The following KDM4C variants were observed in gnomAD, a reference collection of about 807,000 sequenced individuals.
The protein encoded by KDM4C is lysine-specific demethylase 4C.
A neutral mutation model predicts 129.3 loss-of-function variants in KDM4C; 81 were observed. That is an observed-to-expected ratio of 0.63 (90% CI 0.52 to 0.75). KDM4C has a LOEUF of 0.75. KDM4C is among the 30% of genes least tolerant of loss of function. KDM4C has a pLI of 0.00. For missense variants in KDM4C, 1,457 were observed against 1,304.0 expected, an observed-to-expected ratio of 1.12 and a Z score of -1.81; for synonymous variants, 573 against 456.1, an observed-to-expected ratio of 1.26 and a Z score of -3.26.
intron 17 of KDM4C, among the ~76,000 whole-genome samples, chr9:7,085,291 C>A (rs1052251065): frequency 6.6e-6 from 1 of 152,218 alleles, no homozygotes; most frequent in African/African-American, 2.4e-5. Flanking sequence ...GTTTCTTCAT[C>A]TCTAAAACAA....
intron 18 of KDM4C, among the ~76,000 whole-genome samples, chr9:7,111,461 C>A (rs7028473): frequency 0.014 from 2,068 of 152,090 alleles, 46 homozygotes; most frequent in African/African-American, 0.046. Context: ...CTATTATTAT[C>A]TTTTTATTTT....
chr9:7,067,223 G>T, intron 17 of KDM4C, among the ~76,000 whole-genome samples: 1 of 152,172 alleles, frequency 6.6e-6, no homozygotes, highest in African/African-American at 2.4e-5. Context: ...TTTTTCCTGT[G>T]TATGACAGTA....
intron 1 of KDM4C, among the ~76,000 whole-genome samples, chr9:6,722,903 A>T (rs1457775456): frequency 2.0e-5 from 3 of 152,060 alleles, no homozygotes; most frequent in Non-Finnish European, 4.4e-5. Context: ...GGATTGCGTG[A>T]GCCCAGGAGG....
At chr9:6,857,385 C>G (rs1310647115) in intron 5 of KDM4C, among the ~76,000 whole-genome samples, 1 of 152,162 alleles carries the variant, frequency 6.6e-6, no homozygotes, top group Non-Finnish European at 1.5e-5. Context: ...TACATAGCTG[C>G]TAGCTATATT....
chr9:7,095,750 A>G (rs562448266), intron 17 of KDM4C, among the ~76,000 whole-genome samples: 16 of 152,220 alleles, frequency 1.1e-4, no homozygotes, highest in Non-Finnish European at 1.3e-4. Context: ...AGATTTTTAT[A>G]GGGTGGAGAG....
At chr9:6,945,081 C>T (rs562415995) in intron 8 of KDM4C, among the ~76,000 whole-genome samples, 28 of 152,050 alleles carry the variant, frequency 1.8e-4, no homozygotes, top group African/African-American at 6.5e-4. Flanking sequence ...CTCTTTCTTG[C>T]TCTACACAGC....
chr9:7,143,084 G>A (rs1418335238), intron 19 of KDM4C, among the ~76,000 whole-genome samples: 1 of 152,010 alleles, frequency 6.6e-6, no homozygotes, highest in Non-Finnish European at 1.5e-5. Flanking sequence ...TCCCCTCCCA[G>A]CTTACTCTAT....
At chr9:6,866,922 T>G (rs939736962) in intron 5 of KDM4C, among the ~76,000 whole-genome samples, 5 of 143,032 alleles carry the variant, frequency 3.5e-5, no homozygotes, top group Admixed American at 7.1e-5. Flanking sequence ...TATATATATA[T>G]AGAAAAATGT....
At chr9:6,945,356 T>C (rs1049890455) in intron 8 of KDM4C, among the ~76,000 whole-genome samples, 1 of 152,204 alleles carries the variant, frequency 6.6e-6, no homozygotes, top group Admixed American at 6.5e-5. Flanking sequence ...GTTGTGAAAA[T>C]GTATATATAA....
intron 11 of KDM4C, 134 bp downstream of exon 11, chr9:6,986,800 A>G: frequency 1.6e-6 from 1 of 631,902 alleles, no homozygotes; most frequent in Non-Finnish European, 2.6e-6. Context: ...TCTTAATCAT[A>G]TTCATTCAAT....
intron 4 of KDM4C, among the ~76,000 whole-genome samples, chr9:6,821,531 G>A (rs562112241): frequency 5.3e-5 from 8 of 152,220 alleles, no homozygotes; most frequent in Admixed American, 2.6e-4. Context: ...TTTGAGAAGC[G>A]CCTGTTCATA....
intron 16 of KDM4C, among the ~76,000 whole-genome samples, chr9:7,048,845 G>A (rs781389904): frequency 2.0e-5 from 3 of 152,020 alleles, no homozygotes; most frequent in African/African-American, 4.8e-5. Context: ...ATATGTGCAC[G>A]TTAATAGGAT....
chr9:6,865,774 G>A (rs761539088), intron 5 of KDM4C, among the ~76,000 whole-genome samples: 4 of 150,454 alleles, frequency 2.7e-5, no homozygotes, highest in African/African-American at 7.3e-5. Context: ...TTTGTGCGAC[G>A]GAGTCTCGCT....
At chr9:7,149,103 A>G (rs1024899947) in intron 19 of KDM4C, among the ~76,000 whole-genome samples, 4 of 152,182 alleles carry the variant, frequency 2.6e-5, no homozygotes, top group Admixed American at 6.5e-5. Context: ...GGGCACTTGC[A>G]TGCCCATGCC....
chr9:6,947,751 C>T (rs1038293929), intron 8 of KDM4C, among the ~76,000 whole-genome samples: 3 of 151,882 alleles, frequency 2.0e-5, no homozygotes, highest in South Asian at 2.1e-4. Context: ...TTAGAATCAT[C>T]TAGGGAGTTT....
chr9:6,732,696 A>G (rs1422410736), intron 1 of KDM4C, among the ~76,000 whole-genome samples: 1 of 152,126 alleles, frequency 6.6e-6, no homozygotes, highest in Non-Finnish European at 1.5e-5. Flanking sequence ...CTATTGTAAA[A>G]TGGCAGAGAC....
At chr9:6,931,887 G>T (rs1030666206) in intron 8 of KDM4C, among the ~76,000 whole-genome samples, 32 of 152,194 alleles carry the variant, frequency 2.1e-4, no homozygotes, top group Admixed American at 5.9e-4. Context: ...ACCTATTAGA[G>T]AATTGTAATT....
intron 18 of KDM4C, among the ~76,000 whole-genome samples, chr9:7,121,519 C>G (rs1182868905): frequency 6.6e-6 from 1 of 152,154 alleles, no homozygotes; most frequent in African/African-American, 2.4e-5. Context: ...AAACTTCAGT[C>G]CTTGATAGGA....
chr9:6,969,268 C>G (rs1831529788), intron 8 of KDM4C, among the ~76,000 whole-genome samples: 1 of 152,120 alleles, frequency 6.6e-6, no homozygotes, highest in Non-Finnish European at 1.5e-5. Context: ...ATATTTATTT[C>G]TTAATGCTAT....
Sources: gnomAD v4.1 joint callset for allele counts (sites outside exome capture counted in the v4.1 genomes callset) on GRCh38, gnomAD v4.1.1 for gene constraint, MANE v1.5 for transcripts, NCBI Gene and HGNC (gene_info 2026-07-23, HGNC 2026-07-21) for gene names.